Variants in CLXN observed in about 807,000 individuals in gnomAD.
The protein encoded by CLXN is EF-hand calcium binding domain 1.
chr8:48,732,692 C>A, the CLXN span, among the ~76,000 whole-genome samples: 1 of 152,084 alleles, frequency 6.6e-6, no homozygotes, highest in Non-Finnish European at 1.5e-5. Flanking sequence ...TCATTCACAA[C>A]AGTCAAAAGA....
At chr8:48,729,965 C>T in the CLXN span, 3 of 1,242,142 alleles carry the variant, frequency 2.4e-6, no homozygotes, top group South Asian at 3.0e-5. Flanking sequence ...TATCTTGATG[C>T]TGTACCCACA....
At chr8:48,716,548 ACAGT>A in the CLXN span, 3 of 152,302 alleles carry the variant, frequency 2.0e-5, no homozygotes, top group Non-Finnish European at 4.4e-5. Context: ...TCAAGAGAAC[ACAGT>A]CAGACAACTC....
At chr8:48,716,881 C>G in the CLXN span, among the ~76,000 whole-genome samples, 39 of 152,180 alleles carry the variant, frequency 2.6e-4, no homozygotes, top group African/African-American at 8.4e-4. Flanking sequence ...GAGAAAGAGT[C>G]AAGAATTTTA....
the CLXN span, chr8:48,735,290 A>G: frequency 1.0e-6 from 1 of 971,744 alleles, no homozygotes; most frequent in African/African-American, 1.6e-5. Context: ...CGGCCCTAAC[A>G]GACGGTGTAG....
the CLXN span, chr8:48,716,368 A>G: frequency 6.6e-6 from 1 of 152,190 alleles, no homozygotes; most frequent in Non-Finnish European, 1.5e-5. Flanking sequence ...GCGCCTCTCC[A>G]TCCACACCTC....
At chr8:48,728,705 A>G in the CLXN span, among the ~76,000 whole-genome samples, 2 of 152,246 alleles carry the variant, frequency 1.3e-5, no homozygotes, top group South Asian at 2.1e-4. Context: ...GTAATTAAGT[A>G]TCATTATAAT....
At chr8:48,729,625 C>A in the CLXN span, 1 of 1,176,656 alleles carries the variant, frequency 8.5e-7, no homozygotes, top group Non-Finnish European at 1.2e-6. Context: ...TTTAAGCAAG[C>A]AGAGAACTGA....
At chr8:48,734,022 C>T in the CLXN span, among the ~76,000 whole-genome samples, 46 of 152,274 alleles carry the variant, frequency 3.0e-4, no homozygotes, top group Non-Finnish European at 5.9e-4. Flanking sequence ...TCTTAAATTA[C>T]AGGATTTTTT....
At chr8:48,731,564 T>C in the CLXN span, 1 of 1,412,220 alleles carries the variant, frequency 7.1e-7, no homozygotes, top group South Asian at 1.5e-5. Context: ...CTAACTTAAA[T>C]TTTGCAATAA....
At chr8:48,729,159 G>A in the CLXN span, 1 of 1,592,830 alleles carries the variant, frequency 6.3e-7, no homozygotes. Flanking sequence ...AGGGGAATGA[G>A]AAACATGTTA....
At chr8:48,728,325 C>T in the CLXN span, among the ~76,000 whole-genome samples, 1 of 152,166 alleles carries the variant, frequency 6.6e-6, no homozygotes, top group South Asian at 2.1e-4. Flanking sequence ...GCATACATCA[C>T]CCATTGCTCA....
At chr8:48,720,482 C>T in the CLXN span, among the ~76,000 whole-genome samples, 1 of 152,170 alleles carries the variant, frequency 6.6e-6, no homozygotes, top group Non-Finnish European at 1.5e-5. Context: ...ACACCCTGGT[C>T]TCCTGCAGTA....
chr8:48,735,247 A>G, the CLXN span: 2 of 1,391,506 alleles, frequency 1.4e-6, no homozygotes, highest in Non-Finnish European at 1.0e-6. Flanking sequence ...TGCTGGGTCA[A>G]CGCGGTGAGG....
At chr8:48,711,986 A>G in the CLXN span, 2 of 152,222 alleles carry the variant, frequency 1.3e-5, no homozygotes, top group Non-Finnish European at 2.9e-5. Context: ...TTTTCATATC[A>G]TGTATTATTG....
chr8:48,729,018 G>A, the CLXN span: 39 of 1,561,826 alleles, frequency 2.5e-5, no homozygotes, highest in East Asian at 9.1e-5. Context: ...TTTGATTACC[G>A]TTCAGGGAAA....
At chr8:48,720,007 G>A in the CLXN span, among the ~76,000 whole-genome samples, 12 of 152,198 alleles carry the variant, frequency 7.9e-5, no homozygotes, top group African/African-American at 2.9e-4. Context: ...CATAAATTGT[G>A]AAGATTTCAT....
the CLXN span, chr8:48,734,404 C>G: frequency 6.6e-6 from 1 of 152,150 alleles, no homozygotes; most frequent in South Asian, 2.1e-4. Context: ...CTAGGACCAC[C>G]CTTTCAAATG....
chr8:48,712,064 A>G, the CLXN span: 2 of 152,244 alleles, frequency 1.3e-5, no homozygotes, highest in Non-Finnish European at 2.9e-5. Flanking sequence ...TAAAGGATTC[A>G]TGAAGGAAGA....
the CLXN span, chr8:48,730,020 T>A: frequency 1.7e-6 from 1 of 586,756 alleles, no homozygotes; most frequent in Non-Finnish European, 2.9e-6. Flanking sequence ...CAACGTATAC[T>A]AGGATATATA....
Sources: gnomAD v4.1 joint callset for allele counts (sites outside exome capture counted in the v4.1 genomes callset) on GRCh38, gnomAD v4.1.1 for gene constraint, MANE v1.5 for transcripts, NCBI Gene and HGNC (gene_info 2026-07-23, HGNC 2026-07-21) for gene names.